Variants in NFS1 observed in about 807,000 individuals in gnomAD.
NFS1 encodes NFS1 cysteine desulfurase.
In NFS1, 26 loss-of-function variants were observed where a neutral mutation model predicts 57.3. The observed-to-expected ratio is 0.45, with a 90% CI of 0.33 to 0.63. The LOEUF (loss-of-function observed/expected upper bound fraction) is 0.63. NFS1 is among the 20% of genes least tolerant of loss of function. NFS1 has a pLI of 0.02. For synonymous variants in NFS1, 209 were observed against 216.3 expected (o/e 0.97, Z 0.30); for missense variants, 505 against 605.8 (o/e 0.83, Z 1.75).
chr20:35,699,165 C>G lies in NFS1; in HGVS notation c.97+27G>C, dbSNP rs755490461. The G allele has an allele frequency of 4.4e-5, 61 of 1,388,678 alleles. No homozygotes were observed. Among genetic ancestry groups the G allele is most frequent in the Non-Finnish European group, 5.4e-5 (58 of 1,080,810 alleles). The allele number at this position is 1,388,678 out of a possible 1,614,324, so 86.0% of individuals were successfully genotyped here. A position where few individuals can be genotyped will look rare whatever the true frequency, so the allele number is the denominator to read the frequency against. On this transcript the variant is annotated intron_variant, in intron 1 of 12. Coordinates refer to ENST00000374092, the MANE Select transcript of NFS1 (RefSeq NM_021100.5). The surrounding 1 kb of genome is among the most constrained non-coding windows in gnomAD (Gnocchi z 4.4). ...CCGCGCGGAGGGGACAGGTCCGCGC[C>G]TCCCGGAGAGCGGGACCCGAGCGTA...
rs1243017119 is a variant in NFS1 at position 35,699,179 on chromosome 20, G to T, written c.97+13C>A. ...CAGGTCCGCGCCTCCCGGAGAGCGG[G>T]ACCCGAGCGTACCGCGCAGGCGCAG... is the stretch of plus-strand genomic sequence containing the variant. On this transcript the variant is annotated intron_variant, in intron 1 of 12. Transcript: ENST00000374092. The surrounding 1 kb of genome is among the most constrained non-coding windows in gnomAD (Gnocchi z 4.4). 2 of 1,397,998 alleles carry T rather than the reference G, an allele frequency of 1.4e-6. No individual in the cohort carries two copies. Among genetic ancestry groups the T allele is most frequent in the South Asian group, 1.6e-5 (1 of 63,280 alleles). The allele number at this position is 1,397,998 out of a possible 1,614,324, so 86.6% of individuals were successfully genotyped here. A position where few individuals can be genotyped will look rare whatever the true frequency, so the allele number is the denominator to read the frequency against.
chr20:35,698,602 T>C lies in NFS1; in HGVS notation c.98-12A>G. The C allele has an allele frequency of 6.3e-7, 1 of 1,589,712 alleles. No individual in the cohort carries two copies. The highest frequency in any genetic ancestry group is 1.7e-4 in the Middle Eastern group (1 of 5,932). ...AGCACGGTCTCCAACTGATAAAAAA[T>C]GGAACGGAGTAGCCAAGTAAGACCG... On this transcript the variant is annotated splice_polypyrimidine_tract_variant and intron_variant, in intron 1 of 12. Transcript: ENST00000374092.
At chr20:35,670,930 C>T (rs1373092377) in intron 12 of NFS1, among the ~76,000 whole-genome samples, 2 of 152,072 alleles carry the variant, frequency 1.3e-5, no homozygotes, top group Non-Finnish European at 2.9e-5. Flanking sequence ...ACCTGAAATT[C>T]CTCTCTCTAC....
chr20:35,699,183 C>G lies in NFS1; in HGVS notation c.97+9G>C. The G allele has an allele frequency of 7.1e-7, 1 of 1,400,476 alleles. No individual in the cohort carries two copies. Among genetic ancestry groups the G allele is most frequent in the Non-Finnish European group, 9.2e-7 (1 of 1,087,538 alleles). 86.8% of individuals were successfully genotyped at this position (1,400,476 alleles called of 1,614,324 possible). On this transcript the variant is annotated intron_variant, in intron 1 of 12. Coordinates refer to ENST00000374092, the MANE Select transcript of NFS1 (RefSeq NM_021100.5). This position sits in a 1 kb window ranked among gnomAD's most constrained non-coding sequence, Gnocchi z 4.4. Reference sequence around the variant, plus strand: ...TCCGCGCCTCCCGGAGAGCGGGACCCGAGCGTACCGCGCAGGCGCAGCCCC... The same window carrying G: ...TCCGCGCCTCCCGGAGAGCGGGACCGGAGCGTACCGCGCAGGCGCAGCCCC...
At chr20:35,698,054 G>C (rs1321160817) in intron 2 of NFS1, among the ~76,000 whole-genome samples, 1 of 152,134 alleles carries the variant, frequency 6.6e-6, no homozygotes, top group Non-Finnish European at 1.5e-5. Context: ...GCCTTGTTCC[G>C]ACATCTGTTT....
chr20:35,692,189 AAAATAAAT>A (rs1010627039), intron 4 of NFS1: 1 of 236,968 alleles, frequency 4.2e-6, no homozygotes, highest in African/African-American at 2.4e-5. Context: ...TCTGTCTCAA[AAAATAAAT>A]AAATAAATAA....
At chr20:35,693,095 T>C (rs1280442698) in intron 4 of NFS1, among the ~76,000 whole-genome samples, 1 of 152,044 alleles carries the variant, frequency 6.6e-6, no homozygotes, top group Non-Finnish European at 1.5e-5. Flanking sequence ...ACACTTCATT[T>C]TATTTTATTT....
intron 12 of NFS1, among the ~76,000 whole-genome samples, chr20:35,670,698 A>C (rs2034638779): frequency 6.6e-6 from 1 of 152,210 alleles, no homozygotes; most frequent in Non-Finnish European, 1.5e-5. Flanking sequence ...AATAGGGTGC[A>C]GATGCCGAAG....
chr20:35,679,055 G>T (rs930107408), intron 7 of NFS1, among the ~76,000 whole-genome samples: 1 of 152,146 alleles, frequency 6.6e-6, no homozygotes, highest in African/African-American at 2.4e-5. Flanking sequence ...TCTGGACTTG[G>T]AAAGCAGGAG....
At chr20:35,675,318 T>C in intron 7 of NFS1, 116 bp from the exon 8 acceptor site, 2 of 1,167,962 alleles carry the variant, frequency 1.7e-6, no homozygotes, top group Admixed American at 6.0e-5. Flanking sequence ...ATGAAATTTT[T>C]CTAAATAAAA....
Sources: allele counts gnomAD v4.1 joint callset (sites outside exome capture counted in the v4.1 genomes callset), GRCh38; gene constraint gnomAD v4.1.1; non-coding constraint Gnocchi (gnomAD v3.1); transcripts MANE v1.5; gene names NCBI Gene and HGNC (gene_info 2026-07-23, HGNC 2026-07-21).